The following CLMN variants were observed in gnomAD, a reference collection of about 807,000 sequenced individuals.
CLMN encodes the protein calmin, also known as calmin (calponin-like, transmembrane).
Under a neutral mutation model 92.7 loss-of-function variants are expected in CLMN, and 57 were observed. The observed-to-expected ratio is 0.61, with a 90% CI of 0.50 to 0.77. CLMN has a LOEUF of 0.77. Among genes scored for constraint, CLMN ranks in the 30% least tolerant of loss-of-function variants. The pLI, the probability that CLMN is intolerant of heterozygous loss-of-function variation, is 0.00. For synonymous variants in CLMN, 466 were observed against 470.6 expected, an observed-to-expected ratio of 0.99 and a Z score of 0.13; for missense variants, 1,158 against 1,237.5, an observed-to-expected ratio of 0.94 and a Z score of 0.96.
intron 1 of CLMN, among the ~76,000 whole-genome samples, chr14:95,255,770 G>T (rs1016374107): frequency 6.6e-6 from 1 of 152,026 alleles, no homozygotes; most frequent in African/African-American, 2.4e-5. Context: ...TAGCACTGAC[G>T]CATTTCTTAA....
intron 6 of CLMN, 59 bp from the exon 7 acceptor site, chr14:95,210,938 C>A: frequency 6.8e-7 from 1 of 1,465,948 alleles, no homozygotes; most frequent in Non-Finnish European, 9.0e-7. Flanking sequence ...CTCAAAGGTG[C>A]AAGGTCAGCA....
At chr14:95,252,837 A>G (rs1201963312) in intron 1 of CLMN, among the ~76,000 whole-genome samples, 1 of 152,148 alleles carries the variant, frequency 6.6e-6, no homozygotes, top group Non-Finnish European at 1.5e-5. Flanking sequence ...CGGGAGGGTA[A>G]AGCATCCTGC....
intron 1 of CLMN, among the ~76,000 whole-genome samples, chr14:95,273,720 T>C (rs749564754): frequency 2.0e-4 from 30 of 152,040 alleles, no homozygotes; most frequent in Admixed American, 6.6e-5. Flanking sequence ...TGAACGTGAG[T>C]GTGTTTTTGA....
intron 1 of CLMN, among the ~76,000 whole-genome samples, chr14:95,281,663 C>G (rs1900148936): frequency 6.6e-6 from 1 of 152,208 alleles, no homozygotes; most frequent in Admixed American, 6.5e-5. Context: ...TCCATATCAG[C>G]TTGGTTCCAA....
intron 4 of CLMN, among the ~76,000 whole-genome samples, chr14:95,217,030 T>C (rs1595580528): frequency 6.6e-6 from 1 of 152,232 alleles, no homozygotes; most frequent in African/African-American, 2.4e-5. Flanking sequence ...ATCGGGTCTC[T>C]GCAGACCTCT....
At chr14:95,231,169 C>A (rs1897873834) in intron 1 of CLMN, among the ~76,000 whole-genome samples, 2 of 149,984 alleles carry the variant, frequency 1.3e-5, no homozygotes, top group South Asian at 2.1e-4. Context: ...CCTGTCAGAT[C>A]AACAGAGGCA....
At chr14:95,219,568 T>C (rs180892396) in intron 4 of CLMN, among the ~76,000 whole-genome samples, 62 of 152,186 alleles carry the variant, frequency 4.1e-4, no homozygotes, top group African/African-American at 1.3e-3. Flanking sequence ...CTCTCCCAGG[T>C]AGGTTTTGTT....
intron 1 of CLMN, among the ~76,000 whole-genome samples, chr14:95,255,404 A>G (rs1164139659): frequency 6.6e-6 from 1 of 152,170 alleles, no homozygotes; most frequent in Non-Finnish European, 1.5e-5. Context: ...CTTTCATTAC[A>G]GGGTCTTGTT....
chr14:95,296,745 A>G (rs1432477168), intron 1 of CLMN, among the ~76,000 whole-genome samples: 2 of 152,198 alleles, frequency 1.3e-5, no homozygotes, highest in Non-Finnish European at 2.9e-5. Context: ...ATGGCAGTGC[A>G]ATGAGCTAAG....
chr14:95,209,971 A>T (rs1897149055), intron 7 of CLMN, among the ~76,000 whole-genome samples: 1 of 152,242 alleles, frequency 6.6e-6, no homozygotes, highest in Admixed American at 6.5e-5. Context: ...TTATTTACTA[A>T]GATGTTCACT....
intron 1 of CLMN, among the ~76,000 whole-genome samples, chr14:95,250,418 G>T (rs933335842): frequency 6.6e-6 from 1 of 152,126 alleles, no homozygotes; most frequent in Admixed American, 6.5e-5. Flanking sequence ...AATGCCTGTG[G>T]GTACTTGCAA....
intron 9 of CLMN, 61 bp downstream of exon 9, chr14:95,202,773 TCAGA>T (rs1398915485): frequency 6.9e-7 from 1 of 1,456,228 alleles, no homozygotes; most frequent in African/African-American, 1.4e-5. Context: ...AAGCTGAGCT[TCAGA>T]CAAAGAACTA....
chr14:95,193,944 G>A, intron 11 of CLMN, 25 bp from the exon 12 acceptor site: 1 of 1,610,512 alleles, frequency 6.2e-7, no homozygotes, highest in Non-Finnish European at 8.5e-7. Flanking sequence ...ATAAACAAAA[G>A]CCCCCGCAAC....
chr14:95,240,697 A>G (rs917699508), intron 1 of CLMN, among the ~76,000 whole-genome samples: 2 of 152,234 alleles, frequency 1.3e-5, no homozygotes, highest in East Asian at 1.9e-4. Context: ...GCAAAGCGCA[A>G]GGAAGGAAGG....
rs2140774758 is a variant in CLMN at position 95,298,987 on chromosome 14, T to C, written c.82+20724A>G. ...GTACCCCACAGAAAGCCACTTCCAG[T>C]ACTTCCAGCACTCATTCATTTATTT... On this transcript the variant is annotated intron_variant, in intron 1 of 12. Transcript: ENST00000298912. Among the ~76,000 whole-genome samples, 3 of 152,364 alleles carry C rather than the reference T, an allele frequency of 2.0e-5. 1 individual carries two copies.
chr14:95,214,888 A>C (rs115621478), intron 5 of CLMN, among the ~76,000 whole-genome samples: 3,403 of 152,282 alleles, frequency 0.022, 120 homozygotes, highest in African/African-American at 0.076. Context: ...TTGGGAGGGT[A>C]ATCGAACAGT....
rs147288801 is a variant in CLMN at position 95,208,352 on chromosome 14, T to C, written c.885+1043A>G. Among the ~76,000 whole-genome samples, 21 of 152,232 alleles carry C rather than the reference T, an allele frequency of 1.4e-4. No individual in the cohort carries two copies. The East Asian group carries it at 3.9e-3, about 28-fold the overall frequency. ...TGTCATTATTATCAGCTCGGGGTTG[T>C]GCATGGGTTGGGTGGGAGTTCAACG... On this transcript the variant is annotated intron_variant, in intron 8 of 12. Coordinates refer to ENST00000298912, the MANE Select transcript of CLMN (RefSeq NM_024734.4).
chr14:95,214,898 T>G (rs1365785782), intron 5 of CLMN, among the ~76,000 whole-genome samples: 1 of 152,156 alleles, frequency 6.6e-6, no homozygotes, highest in African/African-American at 2.4e-5. Context: ...AATCGAACAG[T>G]GAACCACAAG....
chr14:95,247,111 C>A (rs887261713), intron 1 of CLMN, among the ~76,000 whole-genome samples: 1 of 135,248 alleles, frequency 7.4e-6, no homozygotes, highest in Non-Finnish European at 1.5e-5. Context: ...AGTGTGGGAC[C>A]CAGCAGTGTG....
Sources: gnomAD v4.1 joint callset for allele counts (sites outside exome capture counted in the v4.1 genomes callset) on GRCh38, gnomAD v4.1.1 for gene constraint, MANE v1.5 for transcripts, NCBI Gene and HGNC (gene_info 2026-07-23, HGNC 2026-07-21) for gene names.